The following ZRANB3 variants were observed in gnomAD, a reference collection of about 807,000 sequenced individuals.
The protein encoded by ZRANB3 is zinc finger RANBP2-type containing 3.
ZRANB3 carries 125 observed loss-of-function variants against 133.8 expected under a neutral mutation model. The observed-to-expected ratio is 0.93, with a 90% CI of 0.81 to 1.08. The LOEUF (loss-of-function observed/expected upper bound fraction) is 1.08. ZRANB3 is among the 50% of genes least tolerant of loss of function. The pLI is 0.00. For missense variants in ZRANB3, 1,229 were observed against 1,275.5 expected (o/e 0.96, Z 0.56); for synonymous variants, 387 against 432.7 (o/e 0.89, Z 1.31).
At chr2:135,336,787 G>A (rs1221118332) in intron 6 of ZRANB3, among the ~76,000 whole-genome samples, 1 of 152,012 alleles carries the variant, frequency 6.6e-6, no homozygotes, top group Non-Finnish European at 1.5e-5. Context: ...AAAAAGAAAT[G>A]CTTATTGACC....
intron 2 of ZRANB3, among the ~76,000 whole-genome samples, chr2:135,413,889 T>C (rs1207709690): frequency 1.3e-5 from 2 of 151,984 alleles, no homozygotes; most frequent in South Asian, 2.1e-4. Context: ...TAAAATACTT[T>C]ACAGACAAGC....
chr2:135,504,538 A>G lies in ZRANB3; in HGVS notation c.-7-42T>C, dbSNP rs1470075186. 2.0e-6 allele frequency: 3 copies of G among 1,532,764 alleles called. No individual in the cohort carries two copies. The African/African-American group carries it at 4.2e-5, about 21-fold the overall frequency. The allele number at this position is 1,532,764 out of a possible 1,614,324, so 94.9% of individuals were successfully genotyped here. A position where few individuals can be genotyped will look rare whatever the true frequency, so the allele number is the denominator to read the frequency against. On this transcript the variant is annotated intron_variant, in intron 1 of 20. Transcript: ENST00000264159. Reference sequence around the variant, plus strand: ...AACAAAAAAGGGAGGGGTATAAGAAATAGATATTACTAAGTATGTTACAGA... The same window carrying G: ...AACAAAAAAGGGAGGGGTATAAGAAGTAGATATTACTAAGTATGTTACAGA...
At position 135,313,609 on chromosome 2, in the gene ZRANB3, T is replaced by A; in HGVS notation, c.850-4A>T. On this transcript the variant is annotated splice_region_variant and splice_polypyrimidine_tract_variant and intron_variant, in intron 7 of 20. Transcript: ENST00000264159. ...CTTCAAAGCTGGTATTCAATTCCTA[T>A]GTGGGAAAAAATAACACTGTTTATG... The A allele has an allele frequency of 6.3e-7, 1 of 1,592,536 alleles. No homozygotes were observed. The highest frequency in any genetic ancestry group is 8.6e-7 in the Non-Finnish European group (1 of 1,162,200).
intron 2 of ZRANB3, among the ~76,000 whole-genome samples, chr2:135,418,925 C>CTTTTTTTTTTTTTTTTTTTTTTT (rs769271961): frequency 7.0e-5 from 6 of 85,900 alleles, no homozygotes; most frequent in East Asian, 5.4e-4. Flanking sequence ...AGGATTCTCT[C>CTTTTTTTTTTTTTTTTTTTTTTT]TTTTTTTTTT....
intron 8 of ZRANB3, among the ~76,000 whole-genome samples, chr2:135,292,996 A>T (rs1171089438): frequency 6.6e-6 from 1 of 152,090 alleles, no homozygotes; most frequent in Non-Finnish European, 1.5e-5. Flanking sequence ...TGGTTACTGT[A>T]GCCTTGTAGT....
intron 8 of ZRANB3, among the ~76,000 whole-genome samples, chr2:135,288,355 T>C (rs1681496571): frequency 1.3e-5 from 2 of 152,334 alleles, no homozygotes; most frequent in South Asian, 4.1e-4. Flanking sequence ...TTGAGGATTT[T>C]TGCATCTGTG....
chr2:135,280,975 C>G (rs1681078762), intron 8 of ZRANB3, among the ~76,000 whole-genome samples: 1 of 152,144 alleles, frequency 6.6e-6, no homozygotes, highest in South Asian at 2.1e-4. Context: ...GATCTAGTTC[C>G]TTATTCCGTA....
chr2:135,276,016 T>G (rs1680803544), intron 8 of ZRANB3, among the ~76,000 whole-genome samples: 2 of 151,688 alleles, frequency 1.3e-5, no homozygotes. Flanking sequence ...CAACAATGGG[T>G]TTCAATGGAA....
chr2:135,385,379 G>A (rs1686919633), intron 3 of ZRANB3, among the ~76,000 whole-genome samples: 1 of 152,180 alleles, frequency 6.6e-6, no homozygotes, highest in Non-Finnish European at 1.5e-5. Context: ...ATGCTCATGG[G>A]TAGGAAGAAT....
In ZRANB3 at chr2:135,230,689, GTC is replaced by G; in HGVS notation, c.1776_1777del (p.Glu592AspfsTer36). On this transcript the variant is annotated frameshift_variant, in exon 13 of 21. Transcript: ENST00000264159. LOFTEE classifies it high-confidence loss of function. ...TCGGATTTGCTTGGACTGGGATGGTGTCTCTTCCGACGGACTGCAGTGGTCTT... is the reference window on the plus strand; with the variant it reads ...TCGGATTTGCTTGGACTGGGATGGTGTCTTCCGACGGACTGCAGTGGTCTT... The G allele has an allele frequency of 6.2e-7, 1 of 1,613,154 alleles. No individual in the cohort carries two copies. Among genetic ancestry groups the G allele is most frequent in the Non-Finnish European group, 8.5e-7 (1 of 1,179,614 alleles).
intron 12 of ZRANB3, among the ~76,000 whole-genome samples, chr2:135,232,849 CAG>C (rs1319472985): frequency 6.6e-6 from 1 of 152,134 alleles, no homozygotes; most frequent in Non-Finnish European, 1.5e-5. Context: ...GGGGAAAAAA[CAG>C]AGCAGAAAAA....
chr2:135,293,388 T>C (rs1681865310), intron 8 of ZRANB3, among the ~76,000 whole-genome samples: 1 of 152,064 alleles, frequency 6.6e-6, no homozygotes. Flanking sequence ...ATGATTTGGC[T>C]CTCTGTTTGT....
At chr2:135,509,001 C>A (rs185726125) in intron 1 of ZRANB3, among the ~76,000 whole-genome samples, 144 of 151,758 alleles carry the variant, frequency 9.5e-4, no homozygotes, top group African/African-American at 2.4e-3. Flanking sequence ...TATAGCAAGG[C>A]GGGGGGAGCC....
chr2:135,324,474 T>C (rs1416781919), intron 6 of ZRANB3, among the ~76,000 whole-genome samples: 1 of 152,172 alleles, frequency 6.6e-6, no homozygotes, highest in Non-Finnish European at 1.5e-5. Context: ...CTTAATCCAG[T>C]CTATCATTGT....
intron 12 of ZRANB3, among the ~76,000 whole-genome samples, chr2:135,234,200 C>T (rs918261737): frequency 1.3e-5 from 2 of 152,068 alleles, no homozygotes; most frequent in African/African-American, 2.4e-5. Flanking sequence ...ACAAAGAAGG[C>T]CATTACATAA....
intron 2 of ZRANB3, among the ~76,000 whole-genome samples, chr2:135,472,518 A>C (rs996671448): frequency 2.0e-5 from 3 of 151,842 alleles, no homozygotes; most frequent in Non-Finnish European, 4.4e-5. Context: ...AAAAAAAAAA[A>C]AACTCACAGA....
At position 135,345,539 on chromosome 2, in the gene ZRANB3, G is replaced by A; in HGVS notation, c.677+11C>T. ...GTGAGGAAAAAATTTACGGAAAATAGTTTAACTTACCTGATGTGTGCATTA... is the reference window on the plus strand; with the variant it reads ...GTGAGGAAAAAATTTACGGAAAATAATTTAACTTACCTGATGTGTGCATTA... On this transcript the variant is annotated intron_variant, in intron 6 of 20. Transcript: ENST00000264159. 6.3e-7 allele frequency: 1 copy of A among 1,587,578 alleles called. No homozygotes were observed. The highest frequency in any genetic ancestry group is 2.2e-5 in the East Asian group (1 of 44,704).
At chr2:135,476,131 A>T (rs1256691514) in intron 2 of ZRANB3, among the ~76,000 whole-genome samples, 1 of 152,210 alleles carries the variant, frequency 6.6e-6, no homozygotes, top group African/African-American at 2.4e-5. Context: ...CTGATCTAAT[A>T]AAAGTTAAAG....
intron 2 of ZRANB3, among the ~76,000 whole-genome samples, chr2:135,500,756 T>TAAAAAAAAAAA (rs760594100): frequency 1.4e-5 from 1 of 73,668 alleles, no homozygotes; most frequent in African/African-American, 5.0e-5. Context: ...TACATATCAG[T>TAAAAAAAAAAA]AAAAAAAAAA....
Sources: gnomAD v4.1 joint callset for allele counts (sites outside exome capture counted in the v4.1 genomes callset) on GRCh38, gnomAD v4.1.1 for gene constraint, MANE v1.5 for transcripts, NCBI Gene and HGNC (gene_info 2026-07-23, HGNC 2026-07-21) for gene names.